GPC5: variants seen among roughly 807,000 people sequenced by gnomAD.
GPC5 encodes the protein glypican 5, also known as glypican-5.
A neutral mutation model predicts 53.9 loss-of-function variants in GPC5; 47 were observed. The observed-to-expected ratio is 0.87, with a 90% confidence interval of 0.69 to 1.11. The LOEUF (loss-of-function observed/expected upper bound fraction) is 1.11, where lower values mean the gene tolerates loss of function less well. GPC5 is among the 50% of genes most tolerant of loss of function. The pLI is 0.00. For missense variants in GPC5, 748 were observed against 713.1 expected (o/e 1.05, Z -0.56); for synonymous variants, 286 against 263.3 (o/e 1.09, Z -0.84).
intron 6 of GPC5, among the ~76,000 whole-genome samples, chr13:92,069,452 C>T (rs1383363844): frequency 4.9e-5 from 7 of 142,430 alleles, no homozygotes; most frequent in African/African-American, 1.8e-4. Flanking sequence ...GTGTGTATTC[C>T]TTGGGATTTT....
At chr13:92,347,855 A>ATATATATATAATATATATAT (rs2043426920) in intron 7 of GPC5, among the ~76,000 whole-genome samples, 1 of 22,816 alleles carries the variant, frequency 4.4e-5, no homozygotes, top group Non-Finnish European at 6.2e-5. Context: ...TGTTTTATAC[A>ATATATATATAATATATATAT]TATATATATT....
chr13:91,896,713 T>C (rs1257160770), intron 5 of GPC5, among the ~76,000 whole-genome samples: 3 of 152,152 alleles, frequency 2.0e-5, no homozygotes, highest in Non-Finnish European at 4.4e-5. Context: ...ATCCTGTATA[T>C]GCACATTTTT....
At chr13:92,518,116 T>C (rs1880868523) in intron 7 of GPC5, among the ~76,000 whole-genome samples, 1 of 151,994 alleles carries the variant, frequency 6.6e-6, no homozygotes, top group Admixed American at 6.6e-5. Flanking sequence ...CTCCAAGAAA[T>C]ATAGGACTCT....
chr13:92,312,165 G>C (rs1321182915), intron 7 of GPC5, among the ~76,000 whole-genome samples: 4 of 152,094 alleles, frequency 2.6e-5, no homozygotes, highest in African/African-American at 9.7e-5. Flanking sequence ...GGCTAAGTTA[G>C]GTTTAAAATA....
At chr13:92,385,095 C>A (rs2043781254) in intron 7 of GPC5, among the ~76,000 whole-genome samples, 1 of 151,988 alleles carries the variant, frequency 6.6e-6, no homozygotes, top group East Asian at 1.9e-4. Context: ...TGAAAACTCT[C>A]CCCAGATATG....
At chr13:91,572,609 C>T (rs1032586791) in intron 2 of GPC5, among the ~76,000 whole-genome samples, 2 of 151,924 alleles carry the variant, frequency 1.3e-5, no homozygotes, top group Non-Finnish European at 2.9e-5. Flanking sequence ...ACTAACAGAG[C>T]AAGAATGAAA....
intron 3 of GPC5, among the ~76,000 whole-genome samples, chr13:91,704,242 A>G (rs1466037816): frequency 3.3e-5 from 5 of 150,720 alleles, no homozygotes; most frequent in African/African-American, 1.2e-4. Context: ...GTCATTATGT[A>G]ATGCCCTTCT....
At chr13:92,719,066 C>T (rs925950010) in intron 7 of GPC5, among the ~76,000 whole-genome samples, 8 of 151,634 alleles carry the variant, frequency 5.3e-5, no homozygotes, top group Admixed American at 3.3e-4. Flanking sequence ...CTACTAGGTA[C>T]TCATAAAAAT....
rs1258599026 is a variant in GPC5 at position 91,516,092 on chromosome 13, G to A, written c.325+67170G>A. 5.9e-5 allele frequency among the ~76,000 whole-genome samples: 9 copies of A among 152,016 alleles called. No individual in the cohort carries two copies. The South Asian group carries it at 1.2e-3, about 21-fold the overall frequency. ...GTGGGAGTTCAGGGAGATACAATTC[G>A]AATTGAGATTTGGATGGGGACACAG... On this transcript the variant is annotated intron_variant, in intron 2 of 7. Transcript: ENST00000377067.
In GPC5 at chr13:92,338,353, T is replaced by C. The variant is rs185140863; in HGVS notation, c.1561+193364T>C. ...TTGCTGGGAATGCAAAATGGTACTC[T>C]GGAAGACAGTTTCTTACAGTTTCTT... On this transcript the variant is annotated intron_variant, in intron 7 of 7. Transcript: ENST00000377067. 7.9e-5 allele frequency among the ~76,000 whole-genome samples: 12 copies of C among 152,252 alleles called. No homozygotes were observed. In the East Asian group the frequency reaches 2.1e-3, roughly 27 times the overall value.
In GPC5 at chr13:92,211,599, C is replaced by G. The variant is rs559315600; in HGVS notation, c.1561+66610C>G. On this transcript the variant is annotated intron_variant, in intron 7 of 7. Transcript: ENST00000377067. Reference sequence around the variant, plus strand: ...CAAGTGTGTCCAGCAGCAGCAACATCGTCTGGGGACAGAAATGTGAATTCT... The same window carrying G: ...CAAGTGTGTCCAGCAGCAGCAACATGGTCTGGGGACAGAAATGTGAATTCT... Among the ~76,000 whole-genome samples, 44 of 152,326 alleles carry G rather than the reference C, an allele frequency of 2.9e-4. 1 individual carries two copies. The highest frequency in any genetic ancestry group is 5.6e-4 in the Non-Finnish European group (38 of 68,022).
At chr13:91,748,140 C>T (rs1555343642) in intron 4 of GPC5, among the ~76,000 whole-genome samples, 2 of 152,188 alleles carry the variant, frequency 1.3e-5, no homozygotes, top group Admixed American at 6.5e-5. Flanking sequence ...ATCTCTAAGG[C>T]TCTTTCTATC....
At chr13:92,114,796 C>T (rs2041587614) in intron 6 of GPC5, among the ~76,000 whole-genome samples, 1 of 152,102 alleles carries the variant, frequency 6.6e-6, no homozygotes, top group African/African-American at 2.4e-5. Flanking sequence ...CATAAGCTAA[C>T]CAGGTTTCCT....
At chr13:92,569,529 T>A (rs968488873) in intron 7 of GPC5, among the ~76,000 whole-genome samples, 4 of 152,112 alleles carry the variant, frequency 2.6e-5, no homozygotes, top group Admixed American at 2.0e-4. Context: ...CATCTTAGAA[T>A]GTCTTGTCTG....
chr13:92,594,956 T>C (rs891243832), intron 7 of GPC5, among the ~76,000 whole-genome samples: 3 of 152,222 alleles, frequency 2.0e-5, no homozygotes, highest in African/African-American at 7.2e-5. Flanking sequence ...GGTGTTTATG[T>C]GAAAACATAT....
intron 7 of GPC5, among the ~76,000 whole-genome samples, chr13:92,346,948 A>G (rs1566549217): frequency 6.6e-6 from 1 of 152,170 alleles, no homozygotes; most frequent in Non-Finnish European, 1.5e-5. Context: ...CAGCAGAAAA[A>G]AATCAGTGAG....
chr13:91,733,641 A>G (rs899401133), intron 4 of GPC5, among the ~76,000 whole-genome samples: 3 of 151,858 alleles, frequency 2.0e-5, no homozygotes, highest in Non-Finnish European at 4.4e-5. Flanking sequence ...TCTATTGTTG[A>G]GTTATAGGAA....
At chr13:92,308,278 C>T (rs1366073600) in intron 7 of GPC5, among the ~76,000 whole-genome samples, 2 of 152,158 alleles carry the variant, frequency 1.3e-5, no homozygotes, top group Non-Finnish European at 2.9e-5. Context: ...AGGGAATGTG[C>T]TTGCACTGTG....
chr13:92,019,963 A>G (rs1025907031), intron 6 of GPC5, among the ~76,000 whole-genome samples: 7 of 152,190 alleles, frequency 4.6e-5, no homozygotes, highest in African/African-American at 1.2e-4. Flanking sequence ...TGATATGAGT[A>G]TCTCTGAGCT....
Sources: allele counts gnomAD v4.1 joint callset (sites outside exome capture counted in the v4.1 genomes callset), GRCh38; gene constraint gnomAD v4.1.1; transcripts MANE v1.5; gene names NCBI Gene and HGNC (gene_info 2026-07-23, HGNC 2026-07-21).